Variants in C3orf49 observed in about 807,000 individuals in gnomAD.
C3orf49 encodes putative uncharacterized protein C3orf49.
C3orf49 carries 27 observed loss-of-function variants against 13.3 expected under a neutral mutation model. That is an observed-to-expected ratio of 2.02 (90% confidence interval 1.49 to 2.79). The LOEUF (loss-of-function observed/expected upper bound fraction) is 2.79, where lower values mean the gene tolerates loss of function less well. Among genes scored for constraint, C3orf49 ranks in the 30% most tolerant of loss-of-function variants. The pLI is 0.00. For missense variants in C3orf49, 242 were observed against 134.2 expected, an observed-to-expected ratio of 1.80 and a Z score of -3.97; for synonymous variants, 87 against 47.6, an observed-to-expected ratio of 1.83 and a Z score of -3.40.
the C3orf49 span, among the ~76,000 whole-genome samples, chr3:63,780,747 G>A: frequency 2.0e-5 from 3 of 152,176 alleles, no homozygotes; most frequent in Non-Finnish European, 4.4e-5. Flanking sequence ...CAGTGATGAT[G>A]AGCATTTTTT....
At chr3:63,834,105 C>G in intron 5 of C3orf49, 2 of 1,612,322 alleles carry the variant, frequency 1.2e-6, no homozygotes, top group Non-Finnish European at 8.5e-7. Flanking sequence ...TTTCAATATT[C>G]CTGGGAGTGG....
chr3:63,834,242 T>G, intron 5 of C3orf49: 1 of 1,585,236 alleles, frequency 6.3e-7, no homozygotes, highest in Non-Finnish European at 8.7e-7. Flanking sequence ...CAAGTTTGCC[T>G]ATATTTTATA....
chr3:63,796,804 A>G, the C3orf49 span, among the ~76,000 whole-genome samples: 4 of 152,220 alleles, frequency 2.6e-5, no homozygotes, highest in Non-Finnish European at 4.4e-5. Context: ...AGAAATACAT[A>G]TACTTTACCT....
At chr3:63,799,129 A>G in the C3orf49 span, among the ~76,000 whole-genome samples, 20 of 152,102 alleles carry the variant, frequency 1.3e-4, no homozygotes, top group African/African-American at 4.8e-4. Flanking sequence ...GCTGCATTCA[A>G]TCCTATAATC....
chr3:63,839,566 G>T, intron 5 of C3orf49: 2 of 1,064,176 alleles, frequency 1.9e-6, no homozygotes, highest in Non-Finnish European at 2.9e-6. Context: ...TTTAAGGTGA[G>T]TGAAAATTTG....
chr3:63,783,563 CACAA>C, the C3orf49 span, among the ~76,000 whole-genome samples: 2 of 142,730 alleles, frequency 1.4e-5, no homozygotes, highest in African/African-American at 5.2e-5. Flanking sequence ...CACACACACA[CACAA>C]ATTAGCCAGG....
intron 5 of C3orf49, chr3:63,833,928 TA>T: frequency 4.1e-6 from 2 of 486,652 alleles, no homozygotes; most frequent in East Asian, 3.4e-5. Flanking sequence ...CACTTAAGAA[TA>T]AAAAATGCAT....
the C3orf49 span, among the ~76,000 whole-genome samples, chr3:63,784,497 C>G: frequency 6.6e-6 from 1 of 151,930 alleles, no homozygotes; most frequent in Non-Finnish European, 1.5e-5. Context: ...TTGGCAATTT[C>G]TACTAAAAAA....
the C3orf49 span, among the ~76,000 whole-genome samples, chr3:63,792,301 T>C: frequency 2.0e-5 from 3 of 152,242 alleles, no homozygotes; most frequent in Non-Finnish European, 4.4e-5. Flanking sequence ...GAATTAAAGA[T>C]ATTTTTCTAG....
the C3orf49 span, among the ~76,000 whole-genome samples, chr3:63,785,065 C>CTTTTTTTTTT: frequency 1.4e-3 from 88 of 64,970 alleles, 4 homozygotes; most frequent in African/African-American, 2.9e-3. Context: ...TCTTCTTCTT[C>CTTTTTTTTTT]TTTTTTTTTT....
At chr3:63,804,510 G>A in the C3orf49 span, among the ~76,000 whole-genome samples, 1 of 152,000 alleles carries the variant, frequency 6.6e-6, no homozygotes, top group African/African-American at 2.4e-5. Flanking sequence ...TGCTCCCTCT[G>A]CCTGGAATGT....
chr3:63,786,209 C>A, the C3orf49 span: 2 of 152,136 alleles, frequency 1.3e-5, no homozygotes, highest in Non-Finnish European at 2.9e-5. Context: ...CCTGACCCCC[C>A]TCCCCTATAC....
chr3:63,825,009 C>A (rs1375803286), intron 2 of C3orf49, among the ~76,000 whole-genome samples: 1 of 152,018 alleles, frequency 6.6e-6, no homozygotes, highest in Non-Finnish European at 1.5e-5. Flanking sequence ...ATCGATGAAC[C>A]AATATTGATA....
At chr3:63,842,797 A>G (rs1306371448) in intron 5 of C3orf49, among the ~76,000 whole-genome samples, 1 of 152,102 alleles carries the variant, frequency 6.6e-6, no homozygotes, top group Admixed American at 6.6e-5. Flanking sequence ...TGACAGGTGC[A>G]CTAAAATATC....
At chr3:63,821,930 G>C (rs762939491) in intron 1 of C3orf49, among the ~76,000 whole-genome samples, 1 of 151,976 alleles carries the variant, frequency 6.6e-6, no homozygotes, top group Non-Finnish European at 1.5e-5. Flanking sequence ...GTCATCATTT[G>C]GGGAAACTAG....
At chr3:63,832,784 A>T (rs1400890799) in intron 5 of C3orf49, 1 of 152,250 alleles carries the variant, frequency 6.6e-6, no homozygotes, top group East Asian at 1.9e-4. Flanking sequence ...AATTCTGCAA[A>T]GAAATTTCTC....
At chr3:63,806,951 A>ATTTTTTTTTTT in the C3orf49 span, among the ~76,000 whole-genome samples, 1 of 148,368 alleles carries the variant, frequency 6.7e-6, no homozygotes, top group Non-Finnish European at 1.5e-5. Flanking sequence ...AGAATACCTC[A>ATTTTTTTTTTT]TTTTTTTTTT....
the C3orf49 span, among the ~76,000 whole-genome samples, chr3:63,788,595 C>T: frequency 6.6e-6 from 1 of 151,938 alleles, no homozygotes; most frequent in Non-Finnish European, 1.5e-5. Context: ...TGAGAACTTG[C>T]AACATTGGAA....
chr3:63,845,969 C>A (rs998131052), intron 6 of C3orf49: 3 of 169,540 alleles, frequency 1.8e-5, no homozygotes, highest in African/African-American at 7.2e-5. Flanking sequence ...CCCCGAGCCT[C>A]CCAAATTATG....
Sources: allele counts gnomAD v4.1 joint callset (sites outside exome capture counted in the v4.1 genomes callset), GRCh38; gene constraint gnomAD v4.1.1; transcripts MANE v1.5; gene names NCBI Gene and HGNC (gene_info 2026-07-23, HGNC 2026-07-21).